CLCN6: variants seen among roughly 807,000 people sequenced by gnomAD.
CLCN6 encodes the protein Cl-/H+ antiporter 6, also known as H(+)/Cl(-) exchange transporter 6.
A neutral mutation model predicts 109.8 loss-of-function variants in CLCN6; 70 were observed. That is an observed-to-expected ratio of 0.64 (90% CI 0.53 to 0.78). The LOEUF is 0.78. CLCN6 is among the 30% of genes least tolerant of loss of function. The pLI is 0.00. For synonymous variants in CLCN6, 444 were observed against 447.8 expected (o/e 0.99, Z 0.11); for missense variants, 984 against 1,142.3 (o/e 0.86, Z 2.00).
intron 2 of CLCN6, 28 bp downstream of exon 2, chr1:11,807,218 A>G (rs1211364004): frequency 6.9e-6 from 11 of 1,601,696 alleles, no homozygotes; most frequent in African/African-American, 1.3e-5. Context: ...TGCTTGGGCA[A>G]CTAAAGTAGT....
rs749404039 is a variant in CLCN6, at chr1:11,838,506, G to A, written c.2404-29G>A. 14 of 1,606,424 alleles carry A rather than the reference G, an allele frequency of 8.7e-6. No individual in the cohort carries two copies. The East Asian group carries it at 2.5e-4, about 28-fold the overall frequency. On this transcript the variant is annotated intron_variant, in intron 21 of 22. Transcript: ENST00000346436. ...CCTCTTCATGCCGTTGGCGTCTCAG[G>A]CAGTCAGTGACACGTGGTCTCTTTG...
At chr1:11,806,568 C>T in intron 1 of CLCN6, 1 of 466,532 alleles carries the variant, frequency 2.1e-6, no homozygotes, top group East Asian at 3.5e-5. Context: ...AGAATCCAGG[C>T]CAGCTCCAGT....
At chr1:11,816,754 G>A (rs1644678385) in intron 4 of CLCN6, 74 bp downstream of exon 4, 4 of 1,005,302 alleles carry the variant, frequency 4.0e-6, no homozygotes, top group East Asian at 5.3e-5. Context: ...CTGGCCTGGT[G>A]AATAACATTG....
Position 11,819,482 on chromosome 1 carries a change from T to A in CLCN6, c.280-6T>A. ...GGCTGTGTGACAGATCTCTTGCTCT[T>A]CACAGGTGGGTCTCTTTGTGGACTT... On this transcript the variant is annotated splice_polypyrimidine_tract_variant and splice_region_variant and intron_variant, in intron 4 of 22. Transcript: ENST00000346436. 5 of 1,614,004 alleles carry A rather than the reference T, an allele frequency of 3.1e-6. No homozygotes were observed. Among genetic ancestry groups the A allele is most frequent in the Non-Finnish European group, 4.2e-6 (5 of 1,179,834 alleles).
chr1:11,827,790 T>TTCCCTC (rs1644832170), intron 10 of CLCN6, among the ~76,000 whole-genome samples: 2 of 152,224 alleles, frequency 1.3e-5, no homozygotes, highest in Admixed American at 1.3e-4. Context: ...GGGCTTGGAC[T>TTCCCTC]GGAGCCGGTC....
chr1:11,830,094 C>A (rs1037286153), intron 13 of CLCN6: 1 of 152,208 alleles, frequency 6.6e-6, no homozygotes, highest in East Asian at 1.9e-4. Context: ...CCTCCTTTTC[C>A]CTTCTTGGGG....
At chr1:11,826,024 G>A (rs1490246114) in intron 8 of CLCN6, 132 bp from the exon 9 acceptor site, 5 of 641,638 alleles carry the variant, frequency 7.8e-6, no homozygotes, top group Non-Finnish European at 1.4e-5. Flanking sequence ...CTGATGCCGT[G>A]GATTCCCATA....
chr1:11,832,353 G>A (rs1644892482), intron 13 of CLCN6, among the ~76,000 whole-genome samples: 1 of 152,242 alleles, frequency 6.6e-6, no homozygotes, highest in Admixed American at 6.5e-5. Flanking sequence ...TCCAAGAATT[G>A]CTAGGATGTT....
In CLCN6 at chr1:11,834,953, C is replaced by T. The variant is rs1644926175; in HGVS notation, c.1793+363C>T. 6.6e-6 allele frequency among the ~76,000 whole-genome samples: 1 copy of T among 152,192 alleles called. No homozygotes were observed. The highest frequency in any genetic ancestry group is 1.5e-5 in the Non-Finnish European group (1 of 68,036). On this transcript the variant is annotated intron_variant, in intron 17 of 22. Coordinates refer to ENST00000346436, the MANE Select transcript of CLCN6 (RefSeq NM_001286.5). This position sits in a 1 kb window ranked among gnomAD's most constrained non-coding sequence, Gnocchi z 4.5. Reference sequence around the variant, plus strand: ...AATAGCCTGTTTCACATGTGCCCACCAGAATGCCCTACTGCCAGCCGGGAT... The same window carrying T: ...AATAGCCTGTTTCACATGTGCCCACTAGAATGCCCTACTGCCAGCCGGGAT...
intron 1 of CLCN6, 187 bp downstream of exon 1, chr1:11,806,536 A>G (rs1303632812): frequency 2.0e-6 from 1 of 490,454 alleles, no homozygotes; most frequent in Non-Finnish European, 3.5e-6. Context: ...CTTTTCTCAT[A>G]ACCCCTCCTG....
chr1:11,836,476 TCCTTAAGAAAGAGAAAGAAATCCAC>T (rs1386152194), intron 18 of CLCN6, among the ~76,000 whole-genome samples: 1 of 152,128 alleles, frequency 6.6e-6, no homozygotes, highest in Non-Finnish European at 1.5e-5. Context: ...GACTTCGACC[TCCTTAAGAAAGAGAAAGAAATCCAC>T]AGGAAAGCTC....
At chr1:11,810,006 TA>T (rs1438342436) in intron 2 of CLCN6, among the ~76,000 whole-genome samples, 3 of 152,334 alleles carry the variant, frequency 2.0e-5, no homozygotes, top group Non-Finnish European at 4.4e-5. Flanking sequence ...TTTTGTTATT[TA>T]AAACACGTGT....
intron 22 of CLCN6, among the ~76,000 whole-genome samples, chr1:11,839,335 C>T (rs1316730863): frequency 6.6e-6 from 1 of 152,212 alleles, no homozygotes; most frequent in Non-Finnish European, 1.5e-5. Context: ...GATCTCGGCT[C>T]ACTGCAGCCT....
In CLCN6 at chr1:11,822,713, A is replaced by G; in HGVS notation, c.365A>G (p.Gln122Arg). ...VVQTSVEECS[Q>R]KGCLALSLLE... ...TCCGCAGCGGTGGAGGAGTGCAGCC[A>G]GAAAGGCTGCCTCGCTCTGTCTCTC... Residue 122 changes from glutamine to arginine, a missense_variant, in exon 6 of 23, where the codon CAG (glutamine) becomes CGG (arginine). By Grantham distance (43) the Gln-to-Arg change is conservative. Coordinates refer to ENST00000346436, the MANE Select transcript of CLCN6 (RefSeq NM_001286.5). 6.2e-7 allele frequency: 1 copy of G among 1,612,786 alleles called. No individual in the cohort carries two copies. The highest frequency in any genetic ancestry group is 8.5e-7 in the Non-Finnish European group (1 of 1,178,804).
At chr1:11,816,151 G>A (rs978891102) in intron 3 of CLCN6, among the ~76,000 whole-genome samples, 2 of 152,132 alleles carry the variant, frequency 1.3e-5, no homozygotes, top group Admixed American at 6.6e-5. Flanking sequence ...CCAATAGCAT[G>A]CATTTTGTTT....
intron 4 of CLCN6, among the ~76,000 whole-genome samples, chr1:11,818,200 C>T (rs1644698851): frequency 6.6e-6 from 1 of 152,014 alleles, no homozygotes; most frequent in Admixed American, 6.6e-5. Flanking sequence ...GTCCTTAGGC[C>T]TCTAGTTGTT....
intron 4 of CLCN6, among the ~76,000 whole-genome samples, chr1:11,817,428 C>A (rs1413887377): frequency 6.6e-6 from 1 of 152,136 alleles, no homozygotes; most frequent in African/African-American, 2.4e-5. Context: ...AAGATAGAGC[C>A]AGCAGCTGTG....
At chr1:11,836,177 A>G (rs1188375666) in intron 18 of CLCN6, 24 bp downstream of exon 18, 19 of 1,603,188 alleles carry the variant, frequency 1.2e-5, no homozygotes, top group Non-Finnish European at 1.6e-5. Flanking sequence ...CATGAGAGGA[A>G]AGGCAGGTGA....
rs1644505469 is a variant in CLCN6 at position 11,806,250 on chromosome 1, G to A, written c.-13G>A. On this transcript the variant is annotated 5_prime_UTR_variant, in exon 1 of 23. Coordinates refer to ENST00000346436, the MANE Select transcript of CLCN6 (RefSeq NM_001286.5). ...GTTGGTAGAGGGGTCCAGAGTGGCA[G>A]TAAAGGAGGAAGATGGCGGGGTGCA... is the stretch of plus-strand genomic sequence containing the variant. 1 of 1,454,274 alleles carries A rather than the reference G, an allele frequency of 6.9e-7. No individual in the cohort carries two copies. The highest frequency in any genetic ancestry group is 3.0e-5 in the Admixed American group (1 of 33,756). The allele number at this position is 1,454,274 out of a possible 1,614,324, so 90.1% of individuals were successfully genotyped here.
Sources: gnomAD v4.1 joint callset for allele counts (sites outside exome capture counted in the v4.1 genomes callset) on GRCh38, gnomAD v4.1.1 for gene constraint, Gnocchi (gnomAD v3.1) non-coding constraint, MANE v1.5 for transcripts, NCBI Gene and HGNC (gene_info 2026-07-23, HGNC 2026-07-21) for gene names.